The following FLT1 variants were observed in gnomAD, a reference collection of about 807,000 sequenced individuals.
The protein encoded by FLT1 is vascular endothelial growth factor receptor 1.
In FLT1, 49 loss-of-function variants were observed where a neutral mutation model predicts 156.3. The ratio of observed to expected loss-of-function variants is 0.31; its 90% confidence interval spans 0.25 to 0.40. The LOEUF (loss-of-function observed/expected upper bound fraction) is 0.40. Among genes scored for constraint, FLT1 ranks in the 10% least tolerant of loss-of-function variants. FLT1 has a pLI of 1.00. For missense variants in FLT1, 1,322 were observed against 1,637.2 expected (o/e 0.81, Z 3.32); for synonymous variants, 594 against 583.8 (o/e 1.02, Z -0.25).
intron 10 of FLT1, among the ~76,000 whole-genome samples, chr13:28,418,299 A>G (rs1230597657): frequency 6.6e-6 from 1 of 152,178 alleles, no homozygotes; most frequent in Non-Finnish European, 1.5e-5. Flanking sequence ...TCTCAAAGAT[A>G]TCATGAAATT....
intron 1 of FLT1, among the ~76,000 whole-genome samples, chr13:28,481,253 C>T (rs1880825081): frequency 6.6e-6 from 1 of 152,092 alleles, no homozygotes; most frequent in African/African-American, 2.4e-5. Flanking sequence ...AGAAGATGGG[C>T]AGTGTAGATC....
chr13:28,465,596 A>G (rs544005323), intron 3 of FLT1, among the ~76,000 whole-genome samples: 10 of 152,244 alleles, frequency 6.6e-5, no homozygotes, highest in Admixed American at 6.5e-4. Flanking sequence ...TAATCCCAAC[A>G]CTTTGGGAGG....
chr13:28,386,908 G>C (rs1472513784), intron 13 of FLT1: 4 of 1,045,388 alleles, frequency 3.8e-6, no homozygotes, highest in Non-Finnish European at 4.6e-6. Flanking sequence ...TATTTCCCAT[G>C]CATTAAATAT....
intron 14 of FLT1, among the ~76,000 whole-genome samples, chr13:28,373,238 T>G (rs1441673707): frequency 2.6e-5 from 4 of 152,224 alleles, no homozygotes; most frequent in Non-Finnish European, 5.9e-5. Flanking sequence ...TCAGTGATGC[T>G]CAGTTTAATT....
At position 28,390,817 on chromosome 13, in the gene FLT1, T is replaced by C. The variant is rs115866465; in HGVS notation, c.1661-713A>G. 2.7e-3 allele frequency among the ~76,000 whole-genome samples: 418 copies of C among 152,346 alleles called. 1 individual carries two copies. Among genetic ancestry groups the C allele is most frequent in the African/African-American group, 9.5e-3 (394 of 41,584 alleles). ...CTAAAAACCAAAGGCACACTTACGG[T>C]CAAACTTATCCAAAATAGTTTGCGA... On this transcript the variant is annotated intron_variant, in intron 12 of 29. Transcript: ENST00000282397.
chr13:28,342,064 G>C (rs1179027742), intron 16 of FLT1, among the ~76,000 whole-genome samples: 1 of 152,030 alleles, frequency 6.6e-6, no homozygotes, highest in African/African-American at 2.4e-5. Flanking sequence ...TGTATTCTTA[G>C]TAGAGACAGG....
At position 28,469,951 on chromosome 13, in the gene FLT1, G is replaced by A. The variant is rs543574206; in HGVS notation, c.65-2334C>T. 4.2e-4 allele frequency among the ~76,000 whole-genome samples: 64 copies of A among 151,938 alleles called. 2 individuals are homozygous for A. The South Asian group carries it at 0.011, about 27-fold the overall frequency. On this transcript the variant is annotated intron_variant, in intron 1 of 29. Transcript: ENST00000282397. Reference sequence around the variant, plus strand: ...GTATTTTTAGTAGAGATGGGGTTTCGTCATGTTTGCCAGGCTGGTCTTGAA... The same window carrying A: ...GTATTTTTAGTAGAGATGGGGTTTCATCATGTTTGCCAGGCTGGTCTTGAA...
At chr13:28,402,028 T>C (rs543742887) in intron 11 of FLT1, among the ~76,000 whole-genome samples, 7 of 152,276 alleles carry the variant, frequency 4.6e-5, no homozygotes, top group South Asian at 4.2e-4. Context: ...AATACGAAAG[T>C]GCACATTTGC....
At chr13:28,450,210 T>C (rs945062860) in intron 3 of FLT1, among the ~76,000 whole-genome samples, 2 of 152,014 alleles carry the variant, frequency 1.3e-5, no homozygotes, top group Middle Eastern at 6.8e-3. Flanking sequence ...CACACAAGAA[T>C]GCTCATGTTG....
chr13:28,309,860 T>C (rs151270572), intron 27 of FLT1, among the ~76,000 whole-genome samples: 2,131 of 147,982 alleles, frequency 0.014, 40 homozygotes, highest in African/African-American at 0.049. Flanking sequence ...CTGTCACAGG[T>C]GGGTAGCAGT....
chr13:28,307,807 C>T (rs1282746177), intron 28 of FLT1, among the ~76,000 whole-genome samples: 1 of 10,180 alleles, frequency 9.8e-5, no homozygotes, highest in South Asian at 0.17. Context: ...CCAGCTCTGT[C>T]GCCCAGGCTG....
In FLT1 at chr13:28,412,385, T is replaced by TTTCTTTCTTTCCTTCTTTCTTTCC. The variant is rs1433314448; in HGVS notation, c.1437-6492_1437-6491insGGAAAGAAAGAAGGAAAGAAAGAA. On this transcript the variant is annotated intron_variant, in intron 10 of 29. Coordinates refer to ENST00000282397, the MANE Select transcript of FLT1 (RefSeq NM_002019.4). The stretch of plus-strand genomic sequence containing the variant: ...CTTTCTTTCTTTCTTTCTTTCTTTC[T>TTTCTTTCTTTCCTTCTTTCTTTCC]TTCTTTCTTTCTTTCTTTCTTTCTT... Among the ~76,000 whole-genome samples, 244 of 84,966 alleles carry TTTCTTTCTTTCCTTCTTTCTTTCC rather than the reference T, an allele frequency of 2.9e-3. 3 individuals carry two copies. Among genetic ancestry groups the TTTCTTTCTTTCCTTCTTTCTTTCC allele is most frequent in the African/African-American group, 8.4e-3 (225 of 26,798 alleles). 55.7% of individuals were successfully genotyped at this position (84,966 alleles called of 152,430 possible). A position where few individuals can be genotyped will look rare whatever the true frequency, so the allele number is the denominator to read the frequency against.
chr13:28,405,982 T>C, intron 10 of FLT1, 88 bp from the exon 11 acceptor site: 3 of 765,410 alleles, frequency 3.9e-6, no homozygotes, highest in Non-Finnish European at 7.1e-6. Context: ...GTGTAAGTCC[T>C]CAGATAACAA....
chr13:28,415,220 C>T (rs1235881082), intron 10 of FLT1, among the ~76,000 whole-genome samples: 1 of 152,204 alleles, frequency 6.6e-6, no homozygotes, highest in Non-Finnish European at 1.5e-5. Flanking sequence ...TGGCTCATGC[C>T]TGTAATCCCA....
At chr13:28,389,105 C>T (rs1874545051) in intron 13 of FLT1, 3 of 1,064,230 alleles carry the variant, frequency 2.8e-6, no homozygotes, top group South Asian at 9.1e-5. Context: ...ACCCCTGGGG[C>T]CCATTTTAGA....
At chr13:28,388,147 G>T (rs1039607585) in intron 13 of FLT1, 2 of 1,057,286 alleles carry the variant, frequency 1.9e-6, no homozygotes, top group Non-Finnish European at 2.3e-6. Flanking sequence ...AAGAGCCATA[G>T]GTAAAATTTC....
chr13:28,308,109 C>A (rs1870831018), intron 28 of FLT1, among the ~76,000 whole-genome samples: 2 of 152,176 alleles, frequency 1.3e-5, no homozygotes, highest in Non-Finnish European at 2.9e-5. Context: ...GTGCAGGAAT[C>A]CCCTAGGGAT....
chr13:28,393,572 T>A (rs972848376), intron 12 of FLT1, among the ~76,000 whole-genome samples: 1 of 151,936 alleles, frequency 6.6e-6, no homozygotes, highest in East Asian at 1.9e-4. Flanking sequence ...TCAAAAAAAT[T>A]TTTGTGTTTG....
At chr13:28,421,931 C>G (rs1877028414) in intron 10 of FLT1, among the ~76,000 whole-genome samples, 1 of 152,168 alleles carries the variant, frequency 6.6e-6, no homozygotes, top group African/African-American at 2.4e-5. Flanking sequence ...GGGACGGTGC[C>G]AAGAATAGAA....
Sources: allele counts gnomAD v4.1 joint callset (sites outside exome capture counted in the v4.1 genomes callset), GRCh38; gene constraint gnomAD v4.1.1; transcripts MANE v1.5; gene names NCBI Gene and HGNC (gene_info 2026-07-23, HGNC 2026-07-21).